The following NR1H4 variants were observed in gnomAD, a reference collection of about 807,000 sequenced individuals.
NR1H4 encodes the protein nuclear receptor subfamily 1 group H member 4.
A neutral mutation model predicts 58.5 loss-of-function variants in NR1H4; 23 were observed. The observed-to-expected ratio is 0.39, with a 90% CI of 0.28 to 0.56. The LOEUF (loss-of-function observed/expected upper bound fraction) is 0.56, where lower values mean the gene tolerates loss of function less well. Ranked by LOEUF, NR1H4 falls within the 20% of genes least tolerant of loss-of-function variation. NR1H4 has a pLI of 0.58. For missense variants in NR1H4, 487 were observed against 576.9 expected (o/e 0.84, Z 1.60); for synonymous variants, 214 against 198.0 (o/e 1.08, Z -0.68).
chr12:100,547,962 C>T (rs1009194034), intron 9 of NR1H4, among the ~76,000 whole-genome samples: 2 of 150,734 alleles, frequency 1.3e-5, no homozygotes, highest in Non-Finnish European at 3.0e-5. Context: ...CCTCATGATT[C>T]GCCCGCCTTG....
intron 3 of NR1H4, among the ~76,000 whole-genome samples, chr12:100,496,111 C>A (rs957103278): frequency 4.6e-5 from 7 of 152,206 alleles, no homozygotes; most frequent in African/African-American, 1.7e-4. Context: ...GTCACTTCTT[C>A]TCTTCAAATA....
chr12:100,541,856 C>A (rs937944966), intron 9 of NR1H4, among the ~76,000 whole-genome samples: 4 of 152,016 alleles, frequency 2.6e-5, no homozygotes, highest in Non-Finnish European at 5.9e-5. Context: ...CTCGGCCTCC[C>A]AAAGTGCTAG....
At chr12:100,506,990 T>C (rs1363832577) in intron 3 of NR1H4, among the ~76,000 whole-genome samples, 1 of 152,230 alleles carries the variant, frequency 6.6e-6, no homozygotes, top group African/African-American at 2.4e-5. Flanking sequence ...TTTGTATTTC[T>C]TGATTATGAA....
chr12:100,534,985 G>A lies in NR1H4; in HGVS notation c.694G>A (p.Asp232Asn). 1.2e-6 allele frequency: 2 copies of A among 1,614,222 alleles called. No homozygotes were observed. Among genetic ancestry groups the A allele is most frequent in the Non-Finnish European group, 1.7e-6 (2 of 1,180,042 alleles). The change falls in exon 6 of 11, where the codon GAC becomes AAC. Residue 232 changes from aspartate to asparagine, a missense_variant. Transcript: ENST00000392986. ...CGTGAATGAAGACAGTGAAGGTCGT[G>A]ACTTGCGACAAGTGACCTCGACAAC... ...QTVNEDSEGR[D>N]LRQVTSTTKS...
chr12:100,498,640 G>GAA (rs200062496), intron 3 of NR1H4, among the ~76,000 whole-genome samples: 1 of 151,290 alleles, frequency 6.6e-6, no homozygotes, highest in Non-Finnish European at 1.5e-5. Flanking sequence ...AACAAAACAA[G>GAA]AAAAAAACAC....
intron 10 of NR1H4, among the ~76,000 whole-genome samples, chr12:100,562,280 C>T (rs1255834389): frequency 6.6e-6 from 1 of 152,134 alleles, no homozygotes; most frequent in Non-Finnish European, 1.5e-5. Flanking sequence ...AGCTCCCATG[C>T]AGCTTGCATT....
chr12:100,495,317 C>G (rs983388535), intron 3 of NR1H4, among the ~76,000 whole-genome samples: 1 of 152,216 alleles, frequency 6.6e-6, no homozygotes, highest in African/African-American at 2.4e-5. Context: ...TTCTGGTAAA[C>G]TAATCTGACC....
intron 4 of NR1H4, among the ~76,000 whole-genome samples, chr12:100,512,515 C>T (rs1300515588): frequency 6.6e-6 from 1 of 151,922 alleles, no homozygotes; most frequent in Non-Finnish European, 1.5e-5. Context: ...GTGGTGCATG[C>T]CTGTAGTCCC....
At chr12:100,491,239 T>A (rs1171538514) in intron 1 of NR1H4, among the ~76,000 whole-genome samples, 2 of 152,004 alleles carry the variant, frequency 1.3e-5, no homozygotes, top group Non-Finnish European at 2.9e-5. Context: ...TTCCTTCCAC[T>A]CCATTTTGTG....
chr12:100,540,348 T>C lies in NR1H4; in HGVS notation c.932-324T>C, dbSNP rs112408079. Among the ~76,000 whole-genome samples, 6 of 152,314 alleles carry C rather than the reference T, an allele frequency of 3.9e-5. 1 individual carries two copies. The highest frequency in any genetic ancestry group is 1.4e-4 in the African/African-American group (6 of 41,582). On this transcript the variant is annotated intron_variant, in intron 8 of 10. Coordinates refer to ENST00000392986, the MANE Select transcript of NR1H4 (RefSeq NM_001206979.2). The stretch of plus-strand genomic sequence containing the variant: ...AATCTGCAGAGTTGACCCTGTCACA[T>C]CAGGTGTGACTAACATAATGGCTCA...
At chr12:100,519,285 C>T (rs1455483530) in intron 4 of NR1H4, among the ~76,000 whole-genome samples, 3 of 152,054 alleles carry the variant, frequency 2.0e-5, no homozygotes, top group Admixed American at 2.0e-4. Context: ...CGCCAAAATT[C>T]TTCTGGCGGT....
At chr12:100,514,564 C>A (rs1034913137) in intron 4 of NR1H4, among the ~76,000 whole-genome samples, 8 of 152,194 alleles carry the variant, frequency 5.3e-5, no homozygotes, top group South Asian at 4.1e-4. Flanking sequence ...AGCAACCCCC[C>A]ACTTGTGACA....
At chr12:100,500,659 G>T (rs1201655367) in intron 3 of NR1H4, among the ~76,000 whole-genome samples, 2 of 152,172 alleles carry the variant, frequency 1.3e-5, no homozygotes, top group Admixed American at 6.5e-5. Context: ...GATCATGGGG[G>T]TGGTTTCCCC....
rs111612154 is a variant in NR1H4 at position 100,508,910 on chromosome 12, C to T, written c.80-1868C>T. Among the ~76,000 whole-genome samples, 1,109 of 152,258 alleles carry T rather than the reference C, an allele frequency of 7.3e-3. 12 individuals are homozygous for T. Among genetic ancestry groups the T allele is most frequent in the African/African-American group, 0.026 (1,062 of 41,550 alleles). On this transcript the variant is annotated intron_variant, in intron 3 of 10. Coordinates refer to ENST00000392986, the MANE Select transcript of NR1H4 (RefSeq NM_001206979.2). The stretch of plus-strand genomic sequence containing the variant: ...TTATGGTCTTTACTTATTGCACTTG[C>T]TGTGAATATTCATACGTTTCCCTGT...
chr12:100,538,745 G>C (rs907085986), intron 8 of NR1H4, among the ~76,000 whole-genome samples: 1 of 152,078 alleles, frequency 6.6e-6, no homozygotes, highest in Non-Finnish European at 1.5e-5. Flanking sequence ...CCTTCTTTTT[G>C]CCAGCATTAT....
chr12:100,500,391 G>T (rs183720940), intron 3 of NR1H4, among the ~76,000 whole-genome samples: 2 of 152,082 alleles, frequency 1.3e-5, no homozygotes, highest in Non-Finnish European at 2.9e-5. Flanking sequence ...ATACTCTGCC[G>T]AACAGTGCCA....
chr12:100,534,210 G>A (rs931366233), intron 5 of NR1H4, among the ~76,000 whole-genome samples: 1 of 152,186 alleles, frequency 6.6e-6, no homozygotes, highest in African/African-American at 2.4e-5. Flanking sequence ...CTCTCTTTAA[G>A]TGTAAATCAA....
intron 9 of NR1H4, among the ~76,000 whole-genome samples, chr12:100,551,620 A>G (rs1955204327): frequency 6.6e-6 from 1 of 152,272 alleles, no homozygotes; most frequent in South Asian, 2.1e-4. Context: ...TTAAGAGGAA[A>G]CATTAAAGAA....
rs1167365803 is a variant in NR1H4 at position 100,563,248 on chromosome 12, CAGAT to C, written c.1194_1197del (p.Arg399AsnfsTer3). 1.4e-5 allele frequency: 22 copies of C among 1,601,542 alleles called. No homozygotes were observed. The highest frequency in any genetic ancestry group is 2.2e-5 in the East Asian group (1 of 44,832). ...TGTCATTTTATTTTAAACTTCAAAA[CAGAT>C]AGACAATACATAAAGGATAGAGAGG... On this transcript the variant is annotated splice_acceptor_variant and coding_sequence_variant, in exon 11 of 11. Coordinates refer to ENST00000392986, the MANE Select transcript of NR1H4 (RefSeq NM_001206979.2). LOFTEE classifies it high-confidence loss of function.
Sources: allele counts gnomAD v4.1 joint callset (sites outside exome capture counted in the v4.1 genomes callset), GRCh38; gene constraint gnomAD v4.1.1; transcripts MANE v1.5; gene names NCBI Gene and HGNC (gene_info 2026-07-23, HGNC 2026-07-21).